Variants in PUDP observed in about 807,000 individuals in gnomAD.
The protein encoded by PUDP is pseudouridine-5'-phosphatase.
A neutral mutation model predicts 9.4 loss-of-function variants in PUDP; 8 were observed. The observed-to-expected ratio is 0.85, with a 90% CI of 0.50 to 1.53. PUDP has a LOEUF of 1.53. PUDP is among the 40% of genes most tolerant of loss of function. The pLI, the probability that PUDP is intolerant of heterozygous loss-of-function variation, is 0.00. For synonymous variants in PUDP, 99 were observed against 80.7 expected, an observed-to-expected ratio of 1.23 and a Z score of -1.22; for missense variants, 188 against 189.7, an observed-to-expected ratio of 0.99 and a Z score of 0.05.
chrX:6,795,519 T>C (rs979819042), intron 3 of PUDP, among the ~76,000 whole-genome samples: 2 of 111,647 alleles, frequency 1.8e-5, no homozygotes, highest in Non-Finnish European at 3.8e-5. Flanking sequence ...TGGATTGCAT[T>C]ACAGGAGATG....
intron 1 of PUDP, among the ~76,000 whole-genome samples, chrX:7,112,095 C>T (rs1374832593): frequency 3.6e-5 from 4 of 111,570 alleles, no homozygotes; most frequent in African/African-American, 9.8e-5. Context: ...TCTTAATTGC[C>T]GGGGCTGCAG....
intron 3 of PUDP, among the ~76,000 whole-genome samples, chrX:6,811,783 G>A (rs1244445821): frequency 8.9e-6 from 1 of 112,154 alleles, no homozygotes; most frequent in African/African-American, 3.2e-5. Context: ...TACCTGGCCT[G>A]TTATTTTTAT....
intron 3 of PUDP, among the ~76,000 whole-genome samples, chrX:6,823,914 T>C (rs1156702421): frequency 8.9e-6 from 1 of 112,633 alleles, no homozygotes; most frequent in Non-Finnish European, 1.9e-5. Flanking sequence ...TGCATTATAA[T>C]TAGCATATAA....
chrX:6,753,035 C>G (rs764708971), intron 3 of PUDP, among the ~76,000 whole-genome samples: 1 of 111,081 alleles, frequency 9.0e-6, no homozygotes, highest in African/African-American at 3.3e-5. Flanking sequence ...TTTATTACCT[C>G]TTTAGTGGTG....
chrX:7,096,246 T>G (rs1227771839), intron 2 of PUDP, among the ~76,000 whole-genome samples: 1 of 111,950 alleles, frequency 8.9e-6, no homozygotes, highest in Non-Finnish European at 1.9e-5. Context: ...GGGATTTCTG[T>G]CCCATTAATC....
intron 3 of PUDP, among the ~76,000 whole-genome samples, chrX:6,935,942 T>G (rs1194763829): frequency 9.9e-6 from 1 of 100,680 alleles, no homozygotes; most frequent in Non-Finnish European, 2.0e-5. Context: ...AGGAAGAAGT[T>G]GAATCTCTGA....
intron 3 of PUDP, among the ~76,000 whole-genome samples, chrX:6,911,348 C>A (rs1235947174): frequency 9.1e-6 from 1 of 109,958 alleles, no homozygotes. Flanking sequence ...CACATACCAC[C>A]ACACCTGGCT....
chrX:6,851,747 T>A (rs1926830187), intron 3 of PUDP, among the ~76,000 whole-genome samples: 1 of 110,810 alleles, frequency 9.0e-6, no homozygotes, highest in African/African-American at 3.3e-5. Context: ...GAAAGCAATA[T>A]GGGTATCACC....
chrX:7,004,748 GT>G (rs1480599825), intron 1 of PUDP, among the ~76,000 whole-genome samples: 1 of 112,142 alleles, frequency 8.9e-6, no homozygotes, highest in African/African-American at 3.3e-5. Flanking sequence ...TAGAAACACT[GT>G]TTAAAGATTA....
chrX:6,906,967 C>T (rs780926991), intron 3 of PUDP, among the ~76,000 whole-genome samples: 12 of 111,510 alleles, frequency 1.1e-4, no homozygotes, highest in Non-Finnish European at 1.9e-4. Context: ...GGTTTTGTTG[C>T]TGCTAAAACT....
chrX:6,794,237 C>T (rs1459890372), intron 3 of PUDP, among the ~76,000 whole-genome samples: 3 of 112,274 alleles, frequency 2.7e-5, no homozygotes, highest in African/African-American at 6.5e-5. Flanking sequence ...AGGTTGTGTG[C>T]GATTAGTCTA....
intron 1 of PUDP, among the ~76,000 whole-genome samples, chrX:7,021,674 C>T (rs1347873749): frequency 2.7e-5 from 3 of 111,671 alleles, no homozygotes; most frequent in African/African-American, 6.5e-5. Flanking sequence ...TATCCATATG[C>T]GTATGTCAAA....
rs763375117 is a variant in PUDP at position 7,133,217 on chromosome X, A to AGGAAGAGCCTGT, written c.61+14824_61+14835dup. Among the ~76,000 whole-genome samples, 7 of 111,845 alleles carry AGGAAGAGCCTGT rather than the reference A, an allele frequency of 6.3e-5. No homozygotes were observed. The East Asian group carries it at 2.0e-3, about 32-fold the overall frequency. On this transcript the variant is annotated intron_variant, in intron 1 of 3. Transcript: ENST00000381077. ...AGAGCTGCCTCTTGGCCACGCGGGT[A>AGGAAGAGCCTGT]GGAAGAGCCTGTGGTCACTGGGAAA...
At chrX:7,023,374 C>T (rs1929660378) in intron 1 of PUDP, among the ~76,000 whole-genome samples, 1 of 112,135 alleles carries the variant, frequency 8.9e-6, no homozygotes, top group South Asian at 3.7e-4. Context: ...AAAAACTCAT[C>T]AACAGACACT....
chrX:7,085,599 G>T (rs1231713629), intron 2 of PUDP: 1 of 111,923 alleles, frequency 8.9e-6, no homozygotes, highest in African/African-American at 3.3e-5. Context: ...ATTTACAAAG[G>T]GGTCCACGAA....
chrX:7,002,832 C>G (rs954828080), intron 1 of PUDP, among the ~76,000 whole-genome samples: 6 of 110,112 alleles, frequency 5.4e-5, no homozygotes, highest in African/African-American at 2.0e-4. Flanking sequence ...CAGGACAGAA[C>G]TATACGCACC....
intron 3 of PUDP, among the ~76,000 whole-genome samples, chrX:6,845,277 T>C (rs1311949767): frequency 9.0e-6 from 1 of 111,442 alleles, no homozygotes; most frequent in Non-Finnish European, 1.9e-5. Context: ...TAAAAATAAA[T>C]AGGGGTATTG....
intron 3 of PUDP, among the ~76,000 whole-genome samples, chrX:6,855,545 C>T (rs964157001): frequency 8.9e-6 from 1 of 111,817 alleles, no homozygotes; most frequent in Non-Finnish European, 1.9e-5. Context: ...CCATTAGATA[C>T]TGAGTCTTTA....
chrX:6,774,601 G>C (rs1281208310), intron 3 of PUDP, among the ~76,000 whole-genome samples: 5 of 111,770 alleles, frequency 4.5e-5, no homozygotes, highest in Non-Finnish European at 9.4e-5. Flanking sequence ...GAAAAGGTAG[G>C]TCTCAGTTAC....
Sources: allele counts gnomAD v4.1 joint callset (sites outside exome capture counted in the v4.1 genomes callset), GRCh38; gene constraint gnomAD v4.1.1; transcripts MANE v1.5; gene names NCBI Gene and HGNC (gene_info 2026-07-23, HGNC 2026-07-21).